SGMS1: variants seen among roughly 807,000 people sequenced by gnomAD.
SGMS1 encodes sphingomyelin synthase 1, also known as phosphatidylcholine:ceramide cholinephosphotransferase 1.
SGMS1 carries 13 observed loss-of-function variants against 46.2 expected under a neutral mutation model. The ratio of observed to expected loss-of-function variants is 0.28; its 90% CI spans 0.18 to 0.45. SGMS1 has a LOEUF of 0.45. SGMS1 is among the 20% of genes least tolerant of loss of function. SGMS1 has a pLI of 1.00. For missense variants in SGMS1, 324 were observed against 519.9 expected (o/e 0.62, Z 3.66); for synonymous variants, 203 against 187.8 (o/e 1.08, Z -0.66).
At chr10:50,453,753 AGAAGGAAG>A (rs1208688841) in intron 5 of SGMS1, among the ~76,000 whole-genome samples, 2 of 128,470 alleles carry the variant, frequency 1.6e-5, no homozygotes, top group Non-Finnish European at 3.2e-5. Flanking sequence ...AGACAGAGGG[AGAAGGAAG>A]GAAGGAAGGA....
chr10:50,560,510 T>A (rs113239866), intron 2 of SGMS1, among the ~76,000 whole-genome samples: 3,248 of 143,300 alleles, frequency 0.023, 61 homozygotes, highest in Non-Finnish European at 0.035. Flanking sequence ...AAATACATAT[T>A]ACATATTATA....
chr10:50,610,166 C>T (rs1387235892), intron 1 of SGMS1, among the ~76,000 whole-genome samples: 1 of 152,188 alleles, frequency 6.6e-6, no homozygotes, highest in African/African-American at 2.4e-5. Flanking sequence ...ACCCGTAAGA[C>T]ACAGAAACGT....
At chr10:50,583,753 G>A (rs1460088067) in intron 2 of SGMS1, among the ~76,000 whole-genome samples, 2 of 152,128 alleles carry the variant, frequency 1.3e-5, no homozygotes, top group Non-Finnish European at 2.9e-5. Flanking sequence ...TGAGTTTTCT[G>A]TCACTTGCAA....
At chr10:50,584,498 CAAAA>C (rs751224205) in intron 2 of SGMS1, among the ~76,000 whole-genome samples, 1 of 69,554 alleles carries the variant, frequency 1.4e-5, no homozygotes, top group African/African-American at 5.7e-5. Context: ...GACTCCATCT[CAAAA>C]AAAAAAAAAA....
intron 6 of SGMS1, among the ~76,000 whole-genome samples, chr10:50,392,302 G>A (rs1445992864): frequency 6.6e-6 from 1 of 151,972 alleles, no homozygotes; most frequent in Non-Finnish European, 1.5e-5. Flanking sequence ...TATGTAATTA[G>A]AAAAACAAAA....
chr10:50,382,576 C>CACAT lies in SGMS1; in HGVS notation c.-231-38232_-231-38231insATGT, dbSNP rs1554931790. Among the ~76,000 whole-genome samples the CACAT allele has an allele frequency of 4.1e-3, 618 of 149,824 alleles. 2 individuals are homozygous for CACAT. Among genetic ancestry groups the CACAT allele is most frequent in the Non-Finnish European group, 7.2e-3 (483 of 67,306 alleles). On this transcript the variant is annotated intron_variant, in intron 6 of 10. Coordinates refer to ENST00000361781, the MANE Select transcript of SGMS1 (RefSeq NM_147156.4). ...ACACACAAACACACACATACACACACACACACACACACACACAACTTCCCC... is the reference window on the plus strand; with the variant it reads ...ACACACAAACACACACATACACACACACATACACACACACACACACAACTTCCCC...
At chr10:50,549,090 T>C (rs1838126830) in intron 2 of SGMS1, among the ~76,000 whole-genome samples, 1 of 152,196 alleles carries the variant, frequency 6.6e-6, no homozygotes, top group Non-Finnish European at 1.5e-5. Flanking sequence ...TTATATACTG[T>C]TGGTGGGAAG....
intron 6 of SGMS1, among the ~76,000 whole-genome samples, chr10:50,429,577 A>G (rs1849374092): frequency 6.6e-6 from 1 of 152,086 alleles, no homozygotes; most frequent in Non-Finnish European, 1.5e-5. Flanking sequence ...TTCTTTTCCA[A>G]ATTGTCCTTA....
intron 3 of SGMS1, among the ~76,000 whole-genome samples, chr10:50,508,542 C>A (rs1837726343): frequency 6.6e-6 from 1 of 152,166 alleles, no homozygotes. Flanking sequence ...ACTATGGCCC[C>A]CTTTCTGATG....
At chr10:50,397,708 C>T (rs1026135069) in intron 6 of SGMS1, among the ~76,000 whole-genome samples, 2 of 152,150 alleles carry the variant, frequency 1.3e-5, no homozygotes, top group African/African-American at 2.4e-5. Flanking sequence ...CTGCCTTTCC[C>T]GTTTGCCAAT....
chr10:50,621,402 T>G (rs1395769844), intron 1 of SGMS1, among the ~76,000 whole-genome samples: 1 of 152,226 alleles, frequency 6.6e-6, no homozygotes, highest in Non-Finnish European at 1.5e-5. Context: ...TACGAAAACA[T>G]AAATATTCTT....
At position 50,355,869 on chromosome 10, in the gene SGMS1, G is replaced by A. The variant is rs191051098; in HGVS notation, c.-231-11524C>T. Among the ~76,000 whole-genome samples the A allele has an allele frequency of 5.3e-4, 80 of 151,862 alleles. No homozygotes were observed. The East Asian group carries it at 6.0e-3, about 11-fold the overall frequency. The stretch of plus-strand genomic sequence containing the variant: ...CCGCCCTGTCTGAGATGTGAAGAGC[G>A]CCTCTGCCCAGCCGCGACCCCGTCT... On this transcript the variant is annotated intron_variant, in intron 6 of 10. Transcript: ENST00000361781.
intron 7 of SGMS1, chr10:50,336,137 AC>A: frequency 6.6e-6 from 1 of 152,358 alleles, no homozygotes. Context: ...CCCTCGGTAA[AC>A]AAAAAGAAGA....
intron 2 of SGMS1, among the ~76,000 whole-genome samples, chr10:50,568,645 C>G (rs1042821496): frequency 6.6e-6 from 1 of 152,118 alleles, no homozygotes; most frequent in South Asian, 2.1e-4. Flanking sequence ...TCCAGAAGAG[C>G]CTGGGAAACA....
chr10:50,604,595 T>G (rs1434665006), intron 1 of SGMS1, among the ~76,000 whole-genome samples: 3 of 152,228 alleles, frequency 2.0e-5, no homozygotes, highest in Non-Finnish European at 4.4e-5. Flanking sequence ...AAAAAATTTA[T>G]TCAAACAGTT....
chr10:50,594,541 T>G (rs1315344947), intron 1 of SGMS1, among the ~76,000 whole-genome samples: 1 of 152,236 alleles, frequency 6.6e-6, no homozygotes, highest in African/African-American at 2.4e-5. Context: ...ACCTATAAAA[T>G]TGTTATTTAT....
chr10:50,320,313 C>G (rs1458296682), intron 8 of SGMS1, among the ~76,000 whole-genome samples: 4 of 152,192 alleles, frequency 2.6e-5, no homozygotes, highest in Admixed American at 2.6e-4. Context: ...CCACTCAGTA[C>G]CTATAAGACA....
At chr10:50,623,992 G>A (rs1398268364), upstream of SGMS1, 10 of 985,348 alleles carry the variant, frequency 1.0e-5, no homozygotes, top group South Asian at 3.3e-4. Context: ...GAGCCGGCCC[G>A]GCTTCCCGCG....
intron 6 of SGMS1, among the ~76,000 whole-genome samples, chr10:50,399,089 G>GT (rs1848893011): frequency 6.6e-6 from 1 of 152,020 alleles, no homozygotes; most frequent in Admixed American, 6.5e-5. Flanking sequence ...TCTAAAACTG[G>GT]TTTATGGTGC....
Sources: gnomAD v4.1 joint callset for allele counts (sites outside exome capture counted in the v4.1 genomes callset) on GRCh38, gnomAD v4.1.1 for gene constraint, MANE v1.5 for transcripts, NCBI Gene and HGNC (gene_info 2026-07-23, HGNC 2026-07-21) for gene names.